Variants in ZNF529 observed in about 807,000 individuals in gnomAD.
ZNF529 encodes zinc finger protein 529.
Under a neutral mutation model 10.1 loss-of-function variants are expected in ZNF529, and 11 were observed. The ratio of observed to expected loss-of-function variants is 1.09; its 90% CI spans 0.69 to 1.81. The LOEUF is 1.81. ZNF529 is among the 40% of genes most tolerant of loss of function. ZNF529 has a pLI of 0.00. For synonymous variants in ZNF529, 204 were observed against 215.7 expected (o/e 0.95, Z 0.47); for missense variants, 624 against 666.8 (o/e 0.94, Z 0.71).
chr19:36,549,123 T>G (rs1016037713), intron 4 of ZNF529, among the ~76,000 whole-genome samples: 1 of 152,248 alleles, frequency 6.6e-6, no homozygotes. Context: ...ATGGTCTCTT[T>G]GTATGCCAGC....
At chr19:36,599,181 A>G (rs2036886175) in intron 1 of ZNF529, among the ~76,000 whole-genome samples, 1 of 152,238 alleles carries the variant, frequency 6.6e-6, no homozygotes, top group African/African-American at 2.4e-5. Context: ...AGTGTGATTT[A>G]TATAACAAAG....
chr19:36,563,384 C>T (rs1232924593), intron 2 of ZNF529, among the ~76,000 whole-genome samples: 1 of 150,680 alleles, frequency 6.6e-6, no homozygotes, highest in African/African-American at 2.5e-5. Context: ...GATCACACCA[C>T]AGCACTCCAG....
chr19:36,569,023 A>T (rs933320701), intron 2 of ZNF529, among the ~76,000 whole-genome samples: 2 of 152,250 alleles, frequency 1.3e-5, no homozygotes, highest in Non-Finnish European at 2.9e-5. Flanking sequence ...AGCAAGGGTG[A>T]GACCCTATGA....
chr19:36,568,524 T>G (rs149202224), intron 2 of ZNF529, among the ~76,000 whole-genome samples: 1 of 151,288 alleles, frequency 6.6e-6, no homozygotes, highest in East Asian at 1.9e-4. Flanking sequence ...TAGGCTGGAG[T>G]GCAGTGGCAT....
At chr19:36,580,093 C>G (rs1600338134) in intron 2 of ZNF529, among the ~76,000 whole-genome samples, 2 of 152,080 alleles carry the variant, frequency 1.3e-5, no homozygotes, top group East Asian at 3.8e-4. Context: ...TAGCCTGGGC[C>G]TACACAGGGT....
intron 2 of ZNF529, among the ~76,000 whole-genome samples, chr19:36,559,183 G>C (rs2035587682): frequency 6.6e-6 from 1 of 152,134 alleles, no homozygotes; most frequent in South Asian, 2.1e-4. Context: ...CACTGTCAGG[G>C]ATGTAAATTG....
chr19:36,560,494 A>G (rs2035647009), intron 2 of ZNF529, among the ~76,000 whole-genome samples: 1 of 152,168 alleles, frequency 6.6e-6, no homozygotes, highest in Admixed American at 6.5e-5. Flanking sequence ...GGTAACTCGA[A>G]TCCATCTGGA....
rs1448994104 is a variant in ZNF529, at chr19:36,545,770, CTT to C, written c.*1094_*1095del. 1.3e-5 allele frequency: 2 copies of C among 151,882 alleles called. No homozygotes were observed. Among genetic ancestry groups the C allele is most frequent in the Non-Finnish European group, 2.9e-5 (2 of 67,962 alleles). 9.4% of individuals were successfully genotyped at this position (151,882 alleles called of 1,614,324 possible). ...ATGTTAATATATAGTTGTAAATTCT[CTT>C]AATGTAAGTTCAGTGGTCATTTTTT... On this transcript the variant is annotated 3_prime_UTR_variant, in exon 5 of 5. Coordinates refer to ENST00000591340, the MANE Select transcript of ZNF529 (RefSeq NM_020951.5).
At position 36,572,340 on chromosome 19, in the gene ZNF529, T is replaced by G; in HGVS notation, c.7A>C (p.Asn3His). MA[N>H]SSFIGDHVHG... ...ACAAAAAAAAAAACTAACCTTGAGT[T>G]GGCCATTAGTACCAATGCTGTCTTC... is the stretch of plus-strand genomic sequence containing the variant. The change falls in exon 2 of 5, where the codon AAC becomes CAC. Residue 3 changes from asparagine (N) to histidine (H), a missense_variant. Asn to His is a moderately conservative substitution (Grantham distance 68, BLOSUM62 1). Coordinates refer to ENST00000591340, the MANE Select transcript of ZNF529 (RefSeq NM_020951.5). 14 of 1,549,296 alleles carry G rather than the reference T, an allele frequency of 9.0e-6. No homozygotes were observed. The highest frequency in any genetic ancestry group is 1.2e-5 in the Non-Finnish European group (14 of 1,146,442).
intron 2 of ZNF529, among the ~76,000 whole-genome samples, chr19:36,585,728 C>T (rs929714055): frequency 6.6e-6 from 1 of 152,178 alleles, no homozygotes; most frequent in South Asian, 2.1e-4. Context: ...GACTCCTTTC[C>T]ATACTCCTCA....
At chr19:36,597,915 A>G (rs2036865062) in intron 1 of ZNF529, among the ~76,000 whole-genome samples, 1 of 152,220 alleles carries the variant, frequency 6.6e-6, no homozygotes, top group African/African-American at 2.4e-5. Flanking sequence ...AGGAGACTGG[A>G]TAAATTATCC....
chr19:36,597,557 CCT>C (rs1479014398), intron 1 of ZNF529, among the ~76,000 whole-genome samples: 1 of 152,100 alleles, frequency 6.6e-6, no homozygotes, highest in African/African-American at 2.4e-5. Flanking sequence ...CAATTCTACC[CCT>C]GTTTATCTCC....
intron 1 of ZNF529, chr19:36,593,977 T>A (rs2145282789): frequency 6.6e-6 from 1 of 151,578 alleles, no homozygotes; most frequent in East Asian, 2.0e-4. Context: ...CCACAAGGAG[T>A]CCAGCAGACA....
chr19:36,598,356 A>G (rs972188379), intron 1 of ZNF529, among the ~76,000 whole-genome samples: 1 of 151,996 alleles, frequency 6.6e-6, no homozygotes, highest in East Asian at 1.9e-4. Context: ...CAATAGTAAA[A>G]AATATTAGCC....
intron 2 of ZNF529, among the ~76,000 whole-genome samples, chr19:36,589,382 TG>T (rs1294298555): frequency 6.6e-6 from 1 of 152,182 alleles, no homozygotes; most frequent in Non-Finnish European, 1.5e-5. Flanking sequence ...ACGCAGTTAG[TG>T]TCTGCTGCAG....
Position 36,546,899 on chromosome 19 carries a change from C to CG in ZNF529, c.1658dup (p.Lys554GlufsTer6). On this transcript the variant is annotated frameshift_variant, in exon 5 of 5. Transcript: ENST00000591340. LOFTEE classifies it low-confidence loss of function (END_TRUNC). Reference sequence around the variant, plus strand: ...ATGATTTCTCACCAGTGTAAATTTTCGGTTGGCAAGTAAGATGCCCAACAA... The same window carrying CG: ...ATGATTTCTCACCAGTGTAAATTTTCGGGTTGGCAAGTAAGATGCCCAACAA... The CG allele has an allele frequency of 3.1e-6, 5 of 1,610,522 alleles. No individual in the cohort carries two copies. Among genetic ancestry groups the CG allele is most frequent in the Non-Finnish European group, 4.2e-6 (5 of 1,178,202 alleles).
rs2036518451 is a variant in ZNF529, at chr19:36,583,613, TAA to T, written c.-41+6000_-41+6001del. ...GAGGGTCAGCAGAGTAAATAAATAATAAAGTTGGCACCTACAAGAACTGCATA... is the reference window on the plus strand; with the variant it reads ...GAGGGTCAGCAGAGTAAATAAATAATAGTTGGCACCTACAAGAACTGCATA... On this transcript the variant is annotated intron_variant, in intron 2 of 4. Coordinates refer to the ZNF529 transcript ENST00000585960. Among the ~76,000 whole-genome samples the T allele has an allele frequency of 2.0e-5, 3 of 147,882 alleles. No individual in the cohort carries two copies. The South Asian group carries it at 6.4e-4, about 32-fold the overall frequency.
At chr19:36,570,248 C>CT (rs2036049886) in intron 2 of ZNF529, among the ~76,000 whole-genome samples, 1 of 151,030 alleles carries the variant, frequency 6.6e-6, no homozygotes. Flanking sequence ...GTAGTCCTAG[C>CT]TACTTGGGAG....
intron 4 of ZNF529, among the ~76,000 whole-genome samples, chr19:36,552,889 A>T (rs1047785695): frequency 2.0e-5 from 3 of 152,218 alleles, no homozygotes; most frequent in African/African-American, 7.2e-5. Flanking sequence ...GAGACTAGAC[A>T]GGTAAAGAAA....
Sources: gnomAD v4.1 joint callset for allele counts (sites outside exome capture counted in the v4.1 genomes callset) on GRCh38, gnomAD v4.1.1 for gene constraint, MANE v1.5 for transcripts, NCBI Gene and HGNC (gene_info 2026-07-23, HGNC 2026-07-21) for gene names.